GLIPR2: variants seen among roughly 807,000 people sequenced by gnomAD.
GLIPR2 encodes the protein Golgi-associated plant pathogenesis-related protein 1.
In GLIPR2, 21 loss-of-function variants were observed where a neutral mutation model predicts 20.4. That is an observed-to-expected ratio of 1.03 (90% CI 0.73 to 1.48). GLIPR2 has a LOEUF of 1.48. GLIPR2 is among the 40% of genes most tolerant of loss of function. The pLI is 0.00. For synonymous variants in GLIPR2, 91 were observed against 80.5 expected, an observed-to-expected ratio of 1.13 and a Z score of -0.70; for missense variants, 205 against 200.1, an observed-to-expected ratio of 1.02 and a Z score of -0.15.
chr9:36,151,996 C>T lies in GLIPR2; in HGVS notation c.304+1047C>T, dbSNP rs75915628. Among the ~76,000 whole-genome samples, 36 of 152,340 alleles carry T rather than the reference C, an allele frequency of 2.4e-4. No homozygotes were observed. The East Asian group carries it at 5.8e-3, about 25-fold the overall frequency. On this transcript the variant is annotated intron_variant, in intron 4 of 4. Coordinates refer to ENST00000377960, the MANE Select transcript of GLIPR2 (RefSeq NM_022343.4). ...GCCTTCCACCCTCTAGAGGGGTGCT[C>T]CAGAAGCAGGAAGTGACACGTTCTC... is the stretch of plus-strand genomic sequence containing the variant.
intron 4 of GLIPR2, among the ~76,000 whole-genome samples, chr9:36,156,199 G>A (rs975021696): frequency 1.3e-5 from 2 of 151,548 alleles, no homozygotes; most frequent in South Asian, 2.1e-4. Flanking sequence ...GACAGAGCAA[G>A]ACTCCATCTC....
At chr9:36,142,722 T>A (rs1325549996) in intron 1 of GLIPR2, among the ~76,000 whole-genome samples, 1 of 152,084 alleles carries the variant, frequency 6.6e-6, no homozygotes, top group Non-Finnish European at 1.5e-5. Flanking sequence ...TTCCTCCTCT[T>A]TATCTGTATT....
intron 4 of GLIPR2, among the ~76,000 whole-genome samples, chr9:36,158,541 G>T (rs1356490525): frequency 6.6e-6 from 1 of 152,160 alleles, no homozygotes; most frequent in Non-Finnish European, 1.5e-5. Context: ...CTATGTGCCA[G>T]GCCCAGTGCT....
intron 4 of GLIPR2, among the ~76,000 whole-genome samples, chr9:36,159,419 T>C (rs1338803052): frequency 1.3e-5 from 2 of 152,228 alleles, no homozygotes; most frequent in Admixed American, 6.5e-5. Flanking sequence ...ATATTACTTT[T>C]ATTCATCAGT....
chr9:36,152,924 T>A (rs1384576715), intron 4 of GLIPR2, among the ~76,000 whole-genome samples: 3 of 118,240 alleles, frequency 2.5e-5, no homozygotes, highest in African/African-American at 3.4e-5. Context: ...CTGGCCAACA[T>A]GGTGAAATCC....
chr9:36,149,507 T>C (rs909292168), intron 3 of GLIPR2, among the ~76,000 whole-genome samples: 1 of 151,514 alleles, frequency 6.6e-6, no homozygotes, highest in Non-Finnish European at 1.5e-5. Flanking sequence ...CCCTGCAGGC[T>C]CCTTCCCAAG....
intron 1 of GLIPR2, among the ~76,000 whole-genome samples, chr9:36,141,602 C>G (rs1206001151): frequency 6.6e-6 from 1 of 152,148 alleles, no homozygotes; most frequent in Admixed American, 6.5e-5. Context: ...AAGAGCCTGT[C>G]TCAGCCAAAA....
upstream of GLIPR2, chr9:36,136,646 T>C: frequency 1.6e-6 from 1 of 621,938 alleles, no homozygotes; most frequent in East Asian, 3.9e-5. This position sits in a 1 kb window ranked among gnomAD's most constrained non-coding sequence, Gnocchi z 4.3. Flanking sequence ...TGTCGCTCCT[T>C]ATAAGGCGGG....
chr9:36,136,671 G>A (rs537617099), upstream of GLIPR2: 79 of 837,434 alleles, frequency 9.4e-5, no homozygotes, highest in Non-Finnish European at 1.2e-4. The surrounding 1 kb of genome is among the most constrained non-coding windows in gnomAD (Gnocchi z 4.3). Flanking sequence ...GGGCGGCGCC[G>A]GAGGAGGGGC....
chr9:36,162,386 A>T lies in GLIPR2; in HGVS notation c.329A>T (p.Lys110Met), dbSNP rs755016981. 50 of 1,613,672 alleles carry T rather than the reference A, an allele frequency of 3.1e-5. No homozygotes were observed. In the Admixed American group the frequency reaches 8.3e-4, roughly 27 times the overall value. Residue 110 changes from lysine to methionine, a missense_variant, in exon 5 of 5, where the codon AAG (lysine) becomes ATG (methionine). Lys to Met is a moderately conservative substitution (Grantham distance 95). Transcript: ENST00000377960. ...GGACACTTCACGGCCATGGTATGGA[A>T]GAACACCAAGAAGATGGGCGTGGGG... ...GTGHFTAMVW[K>M]NTKKMGVGKA...
intron 4 of GLIPR2, among the ~76,000 whole-genome samples, chr9:36,160,185 G>A (rs567490615): frequency 8.9e-4 from 135 of 152,076 alleles, no homozygotes; most frequent in Non-Finnish European, 1.6e-3. Context: ...CACCATGCCC[G>A]GCTAATTTTG....
intron 4 of GLIPR2, among the ~76,000 whole-genome samples, chr9:36,159,289 G>A (rs540086143): frequency 1.9e-4 from 29 of 152,280 alleles, no homozygotes; most frequent in African/African-American, 6.7e-4. Flanking sequence ...GAACTGAGAT[G>A]TTTGGCTCAG....
intron 4 of GLIPR2, among the ~76,000 whole-genome samples, chr9:36,158,204 A>G (rs981740074): frequency 6.6e-6 from 1 of 152,200 alleles, no homozygotes; most frequent in Non-Finnish European, 1.5e-5. Context: ...ACTTTTGGGT[A>G]TATACCTAGA....
At chr9:36,161,767 A>T (rs1416612028) in intron 4 of GLIPR2, among the ~76,000 whole-genome samples, 1 of 152,214 alleles carries the variant, frequency 6.6e-6, no homozygotes, top group Non-Finnish European at 1.5e-5. Flanking sequence ...AGACACAGGC[A>T]GTAGGCAGTA....
chr9:36,149,715 G>A (rs772600705), intron 3 of GLIPR2, among the ~76,000 whole-genome samples: 9 of 152,166 alleles, frequency 5.9e-5, no homozygotes, highest in Non-Finnish European at 8.8e-5. Context: ...TCGCACATTG[G>A]AATCTTTTGT....
chr9:36,138,856 G>A (rs1033533242), intron 1 of GLIPR2, among the ~76,000 whole-genome samples: 14 of 152,196 alleles, frequency 9.2e-5, no homozygotes, highest in African/African-American at 2.9e-4. Flanking sequence ...GAGGGTTCCT[G>A]GAGGAGATGG....
chr9:36,142,556 C>T (rs1563878920), intron 1 of GLIPR2, among the ~76,000 whole-genome samples: 1 of 152,200 alleles, frequency 6.6e-6, no homozygotes, highest in South Asian at 2.1e-4. Context: ...TTCCTCATTC[C>T]TCAGGGTTGG....
At chr9:36,152,771 AAAAAG>A (rs1381204091) in intron 4 of GLIPR2, among the ~76,000 whole-genome samples, 1 of 148,008 alleles carries the variant, frequency 6.8e-6, no homozygotes, top group Non-Finnish European at 1.5e-5. Flanking sequence ...AAAAAAAAAA[AAAAAG>A]GTGCCTCCAC....
At chr9:36,146,227 A>G (rs1212732081) in intron 1 of GLIPR2, 1 of 152,320 alleles carries the variant, frequency 6.6e-6, no homozygotes, top group Non-Finnish European at 1.5e-5. Context: ...TAAGCACTCA[A>G]GACGGGGAGA....
Sources: allele counts gnomAD v4.1 joint callset (sites outside exome capture counted in the v4.1 genomes callset), GRCh38; gene constraint gnomAD v4.1.1; non-coding constraint Gnocchi (gnomAD v3.1); transcripts MANE v1.5; gene names NCBI Gene and HGNC (gene_info 2026-07-23, HGNC 2026-07-21).